The following SLC24A2 variants were observed in gnomAD, a reference collection of about 807,000 sequenced individuals.
The protein encoded by SLC24A2 is solute carrier family 24 member 2, also known as sodium/potassium/calcium exchanger 2.
A neutral mutation model predicts 62.0 loss-of-function variants in SLC24A2; 36 were observed. That is an observed-to-expected ratio of 0.58 (90% CI 0.44 to 0.77). The LOEUF is 0.77. Among genes scored for constraint, SLC24A2 ranks in the 30% least tolerant of loss-of-function variants. The pLI, the probability that SLC24A2 is intolerant of heterozygous loss-of-function variation, is 0.00. For missense variants in SLC24A2, 846 were observed against 817.9 expected (o/e 1.03, Z -0.42); for synonymous variants, 358 against 294.0 (o/e 1.22, Z -2.23).
chr9:19,893,293 T>C, the SLC24A2 span, among the ~76,000 whole-genome samples: 1 of 152,174 alleles, frequency 6.6e-6, no homozygotes, highest in Non-Finnish European at 1.5e-5. Context: ...AAGGAGCCTC[T>C]CCATTCCCCA....
the SLC24A2 span, among the ~76,000 whole-genome samples, chr9:20,263,726 A>G: frequency 6.6e-6 from 1 of 151,960 alleles, no homozygotes; most frequent in African/African-American, 2.4e-5. Flanking sequence ...ACTTTACCCT[A>G]TAGTATGTGT....
chr9:19,692,526 G>A (rs895151302), intron 2 of SLC24A2, among the ~76,000 whole-genome samples: 3 of 152,084 alleles, frequency 2.0e-5, no homozygotes, highest in Admixed American at 6.6e-5. Context: ...AAATATGCCA[G>A]CAGTAAAACA....
At chr9:20,257,975 T>A in the SLC24A2 span, among the ~76,000 whole-genome samples, 1 of 152,120 alleles carries the variant, frequency 6.6e-6, no homozygotes, top group African/African-American at 2.4e-5. Context: ...AAGACCTAAC[T>A]AGGAAGAGCA....
chr9:20,093,658 G>A, the SLC24A2 span, among the ~76,000 whole-genome samples: 1 of 152,078 alleles, frequency 6.6e-6, no homozygotes, highest in Non-Finnish European at 1.5e-5. Context: ...TTTCTGTTTG[G>A]ATGCTTACGG....
intron 5 of SLC24A2, among the ~76,000 whole-genome samples, chr9:19,583,045 C>A (rs1836254977): frequency 6.6e-6 from 1 of 152,080 alleles, no homozygotes; most frequent in Non-Finnish European, 1.5e-5. Flanking sequence ...TAAAACAGAA[C>A]ATGGCACTTA....
chr9:20,035,771 T>A, the SLC24A2 span, among the ~76,000 whole-genome samples: 1 of 151,984 alleles, frequency 6.6e-6, no homozygotes, highest in African/African-American at 2.4e-5. Flanking sequence ...AATAAATAAA[T>A]AAATTGAAAT....
the SLC24A2 span, among the ~76,000 whole-genome samples, chr9:19,901,994 A>C: frequency 6.6e-6 from 1 of 152,172 alleles, no homozygotes. Flanking sequence ...AGAACAAGAA[A>C]AACCTTGTAG....
chr9:19,669,935 C>T (rs79818403), intron 2 of SLC24A2, among the ~76,000 whole-genome samples: 2,601 of 152,324 alleles, frequency 0.017, 33 homozygotes, highest in Non-Finnish European at 0.028. Context: ...TACCACAGTG[C>T]CCCCACATTG....
the SLC24A2 span, among the ~76,000 whole-genome samples, chr9:20,071,016 G>C: frequency 6.6e-6 from 1 of 152,112 alleles, no homozygotes; most frequent in Non-Finnish European, 1.5e-5. Context: ...GTGAGTTCTT[G>C]TGAGATGTTA....
intron 5 of SLC24A2, among the ~76,000 whole-genome samples, chr9:19,583,423 T>TATATC (rs1410692924): frequency 6.6e-6 from 1 of 152,226 alleles, no homozygotes; most frequent in Non-Finnish European, 1.5e-5. Context: ...TCTAATATAC[T>TATATC]ATATCATTAT....
At chr9:19,516,584 A>C (rs1444106500) in intron 10 of SLC24A2, among the ~76,000 whole-genome samples, 182 bp from the exon 11 acceptor site, 2 of 152,252 alleles carry the variant, frequency 1.3e-5, no homozygotes, top group African/African-American at 2.4e-5. Context: ...TAAGGAAATA[A>C]GACTTTAAAA....
At chr9:20,097,899 C>A in the SLC24A2 span, among the ~76,000 whole-genome samples, 1 of 151,468 alleles carries the variant, frequency 6.6e-6, no homozygotes, top group African/African-American at 2.4e-5. Flanking sequence ...CTCGACACCA[C>A]GCCGGGCTAA....
chr9:19,751,690 T>C (rs1426918785), intron 2 of SLC24A2, among the ~76,000 whole-genome samples: 2 of 152,250 alleles, frequency 1.3e-5, no homozygotes, highest in East Asian at 3.9e-4. Flanking sequence ...CCACCAAGCA[T>C]GAGACTTGTA....
At chr9:19,895,285 C>A in the SLC24A2 span, among the ~76,000 whole-genome samples, 1 of 150,298 alleles carries the variant, frequency 6.7e-6, no homozygotes, top group African/African-American at 2.5e-5. Flanking sequence ...AACACTATTA[C>A]ATCAAACTGC....
At chr9:19,835,091 G>A in the SLC24A2 span, among the ~76,000 whole-genome samples, 27 of 152,112 alleles carry the variant, frequency 1.8e-4, no homozygotes, top group Non-Finnish European at 2.4e-4. Context: ...AACATGGAAA[G>A]GAACAACCAG....
chr9:19,734,962 T>G (rs567177644), intron 2 of SLC24A2, among the ~76,000 whole-genome samples: 185 of 152,182 alleles, frequency 1.2e-3, no homozygotes, highest in African/African-American at 4.0e-3. Flanking sequence ...AAGGACTTCA[T>G]GTCTAAAACA....
At chr9:20,104,962 G>A in the SLC24A2 span, among the ~76,000 whole-genome samples, 1 of 152,284 alleles carries the variant, frequency 6.6e-6, no homozygotes, top group South Asian at 2.1e-4. Context: ...CATCTCATGT[G>A]CAGAGACACA....
At chr9:19,585,627 C>G (rs1586998169) in intron 5 of SLC24A2, among the ~76,000 whole-genome samples, 1 of 152,302 alleles carries the variant, frequency 6.6e-6, no homozygotes, top group Admixed American at 6.5e-5. Context: ...TCATGCATAT[C>G]TACATCTACA....
At chr9:20,178,554 T>C in the SLC24A2 span, among the ~76,000 whole-genome samples, 12 of 152,200 alleles carry the variant, frequency 7.9e-5, no homozygotes, top group Admixed American at 2.6e-4. Flanking sequence ...TTTTCCACCT[T>C]CCCCTACCTC....
Sources: gnomAD v4.1 joint callset for allele counts (sites outside exome capture counted in the v4.1 genomes callset) on GRCh38, gnomAD v4.1.1 for gene constraint, MANE v1.5 for transcripts, NCBI Gene and HGNC (gene_info 2026-07-23, HGNC 2026-07-21) for gene names.